Variants in GRIN2D observed in about 807,000 individuals in gnomAD.
GRIN2D encodes the protein glutamate ionotropic receptor NMDA type subunit 2D.
GRIN2D carries 37 observed loss-of-function variants against 103.2 expected under a neutral mutation model. The observed-to-expected ratio is 0.36, with a 90% CI of 0.28 to 0.47. The LOEUF (loss-of-function observed/expected upper bound fraction) is 0.47, where lower values mean the gene tolerates loss of function less well. GRIN2D is among the 20% of genes least tolerant of loss of function. The pLI, the probability that GRIN2D is intolerant of heterozygous loss-of-function variation, is 1.00. For synonymous variants in GRIN2D, 845 were observed against 885.6 expected, an observed-to-expected ratio of 0.95 and a Z score of 0.81; for missense variants, 1,557 against 1,910.6, an observed-to-expected ratio of 0.81 and a Z score of 3.45.
At chr19:48,399,329 GC>G (rs1970682006) in intron 3 of GRIN2D, among the ~76,000 whole-genome samples, 1 of 152,224 alleles carries the variant, frequency 6.6e-6, no homozygotes, top group Non-Finnish European at 1.5e-5. Context: ...GCTTTGGAAA[GC>G]CGAGGCCGGC....
At chr19:48,423,487 A>G (rs1478359575) in intron 11 of GRIN2D, among the ~76,000 whole-genome samples, 2 of 151,866 alleles carry the variant, frequency 1.3e-5, no homozygotes, top group African/African-American at 4.8e-5. Context: ...GGATATTTTC[A>G]CCAGGGTGTT....
In GRIN2D at chr19:48,421,272, T is replaced by G. The variant is rs1971018903; in HGVS notation, c.2092-513T>G. Among the ~76,000 whole-genome samples, 1 of 151,644 alleles carries G rather than the reference T, an allele frequency of 6.6e-6. No individual in the cohort carries two copies. The highest frequency in any genetic ancestry group is 6.6e-5 in the Admixed American group (1 of 15,216). On this transcript the variant is annotated intron_variant, in intron 10 of 13. Transcript: ENST00000263269. This position sits in a 1 kb window ranked among gnomAD's most constrained non-coding sequence, Gnocchi z 4.8. ...GGAGAAACCCCATCTCTACTAAAAA[T>G]ACAAAACTGGCTGGGCATGGTGGTA...
Position 48,416,124 on chromosome 19 carries a change from C to G in GRIN2D, c.1704C>G (p.Ser568Arg). ...GCATCAGCGTCATGGTGGCGCGCAGCAATGGCACGGTGTCCCCCTCGGCCT... is the reference window on the plus strand; with the variant it reads ...GCATCAGCGTCATGGTGGCGCGCAGGAATGGCACGGTGTCCCCCTCGGCCT... ...ETGISVMVARSNGTVSPSAFL... is the reference protein window; with the variant it reads ...ETGISVMVARRNGTVSPSAFL... The change falls in exon 8 of 14, where the codon AGC becomes AGG. Residue 568 changes from serine (S) to arginine (R), a missense_variant. Physicochemically the swap from Ser to Arg is moderately radical, Grantham distance 110 (BLOSUM62 -1). This residue lies in a region of GRIN2D where 197 missense variants were observed against 334.1 expected (regional missense o/e 0.59). Transcript: ENST00000263269. The G allele has an allele frequency of 6.2e-7, 1 of 1,614,010 alleles. No homozygotes were observed. Among genetic ancestry groups the G allele is most frequent in the Non-Finnish European group, 8.5e-7 (1 of 1,179,988 alleles).
At chr19:48,403,906 A>G (rs915080641) in intron 3 of GRIN2D, among the ~76,000 whole-genome samples, 7 of 152,146 alleles carry the variant, frequency 4.6e-5, no homozygotes, top group Admixed American at 3.3e-4. Flanking sequence ...TGAACCCCCA[A>G]ATCTCAGTGG....
intron 4 of GRIN2D, among the ~76,000 whole-genome samples, chr19:48,412,971 A>C (rs1970894284): frequency 7.1e-6 from 1 of 141,760 alleles, no homozygotes; most frequent in Non-Finnish European, 1.5e-5. Context: ...CCCCATCTCT[A>C]CTAAAAATAC....
Position 48,421,675 on chromosome 19 carries a change from A to T in GRIN2D, c.2092-110A>T. 1 of 828,614 alleles carries T rather than the reference A, an allele frequency of 1.2e-6. No homozygotes were observed. Among genetic ancestry groups the T allele is most frequent in the South Asian group, 1.6e-5 (1 of 61,406 alleles). The allele number at this position is 828,614 out of a possible 1,614,324, so 51.3% of individuals were successfully genotyped here. A position where few individuals can be genotyped will look rare whatever the true frequency, so the allele number is the denominator to read the frequency against. On this transcript the variant is annotated intron_variant, in intron 10 of 13. Coordinates refer to ENST00000263269, the MANE Select transcript of GRIN2D (RefSeq NM_000836.4). The surrounding 1 kb of genome is among the most constrained non-coding windows in gnomAD (Gnocchi z 4.8). Reference sequence around the variant, plus strand: ...GAGCGAGTGTTGAGAAATATTGAACACTCCTGGGACTGGGGTGTCTGCCAG... The same window carrying T: ...GAGCGAGTGTTGAGAAATATTGAACTCTCCTGGGACTGGGGTGTCTGCCAG...
Position 48,443,257 on chromosome 19 carries a change from T to G in GRIN2D, c.3331T>G (p.Ser1111Ala). 1.4e-6 allele frequency: 2 copies of G among 1,450,746 alleles called. No individual in the cohort carries two copies. 89.9% of individuals were successfully genotyped at this position (1,450,746 alleles called of 1,614,324 possible). A position where few individuals can be genotyped will look rare whatever the true frequency, so the allele number is the denominator to read the frequency against. Reference sequence around the variant, plus strand: ...GTGCCCTTACCTCGATCTCGAGCCGTCGCCGTCGGACTCGGAGGACTCGGA... The same window carrying G: ...GTGCCCTTACCTCGATCTCGAGCCGGCGCCGTCGGACTCGGAGGACTCGGA... ...PPCPYLDLEP[S>A]PSDSEDSESL... The change falls in exon 14 of 14, where the codon TCG becomes GCG. Residue 1111 changes from serine to alanine, a missense_variant. Around this residue, in one of 7 missense-constraint regions of GRIN2D, gnomAD observed 632 missense variants for 572.8 expected, o/e 1.10. Coordinates refer to ENST00000263269, the MANE Select transcript of GRIN2D (RefSeq NM_000836.4). The surrounding 1 kb of genome is among the most constrained non-coding windows in gnomAD (Gnocchi z 8.9).
At chr19:48,418,809 A>T (rs901187181) in intron 8 of GRIN2D, among the ~76,000 whole-genome samples, 1 of 152,020 alleles carries the variant, frequency 6.6e-6, no homozygotes, top group South Asian at 2.1e-4. Flanking sequence ...GGGTAGGTGG[A>T]GGCTTGGGCC....
intron 11 of GRIN2D, among the ~76,000 whole-genome samples, chr19:48,432,786 T>A (rs1600990980): frequency 6.6e-6 from 1 of 151,244 alleles, no homozygotes; most frequent in South Asian, 2.1e-4. Context: ...TTTTTTTTTT[T>A]TTATTTCATT....
intron 8 of GRIN2D, among the ~76,000 whole-genome samples, chr19:48,416,632 C>T (rs754232546): frequency 6.6e-6 from 1 of 152,140 alleles, no homozygotes; most frequent in Non-Finnish European, 1.5e-5. Context: ...AGGTGGTGGG[C>T]TCCACACTGG....
At chr19:48,432,807 T>A (rs971073066) in intron 11 of GRIN2D, among the ~76,000 whole-genome samples, 24 of 150,828 alleles carry the variant, frequency 1.6e-4, no homozygotes, top group African/African-American at 5.6e-4. Flanking sequence ...TTGCTTTTTT[T>A]TGAGACAGAG....
chr19:48,405,128 C>T lies in GRIN2D; in HGVS notation c.860C>T (p.Ala287Val), dbSNP rs2147441889. 2.5e-6 allele frequency: 4 copies of T among 1,575,720 alleles called. No individual in the cohort carries two copies. The highest frequency in any genetic ancestry group is 3.4e-6 in the Non-Finnish European group (4 of 1,161,844). Residue 287 changes from alanine (A) to valine (V), a missense_variant, in exon 4 of 14, where the codon GCC becomes GTC. Physicochemically the swap from Ala to Val is moderately conservative, Grantham distance 64 (BLOSUM62 0). This residue lies in a region of GRIN2D where 490 missense variants were observed against 601.1 expected (regional missense o/e 0.82). Transcript: ENST00000263269. This position sits in a 1 kb window ranked among gnomAD's most constrained non-coding sequence, Gnocchi z 5.1. ...CTGGCTGGAGGCGGGGGCTCTGGGGCCCCTGGTGAGCCCCCTCTTCTGCCA... is the reference window on the plus strand; with the variant it reads ...CTGGCTGGAGGCGGGGGCTCTGGGGTCCCTGGTGAGCCCCCTCTTCTGCCA... Reference protein sequence around the residue: ...PQLAGGGGSGAPGEPPLLPGG... With the variant: ...PQLAGGGGSGVPGEPPLLPGG...
chr19:48,419,834 T>C lies in GRIN2D; in HGVS notation c.2091+20T>C. On this transcript the variant is annotated intron_variant, in intron 10 of 13. Transcript: ENST00000263269. ...CGCAAGGTGTGTGTGGGCCCAGGGCTGGGCTGGAGCTGGGGCTGGGGCTGG... is the reference window on the plus strand; with the variant it reads ...CGCAAGGTGTGTGTGGGCCCAGGGCCGGGCTGGAGCTGGGGCTGGGGCTGG... 6.9e-7 allele frequency: 1 copy of C among 1,448,782 alleles called. No homozygotes were observed. Among genetic ancestry groups the C allele is most frequent in the African/African-American group, 1.5e-5 (1 of 68,112 alleles). The allele number at this position is 1,448,782 out of a possible 1,614,324, so 89.7% of individuals were successfully genotyped here. A position where few individuals can be genotyped will look rare whatever the true frequency, so the allele number is the denominator to read the frequency against.
At chr19:48,426,665 A>T (rs1971091611) in intron 11 of GRIN2D, among the ~76,000 whole-genome samples, 2 of 151,078 alleles carry the variant, frequency 1.3e-5, no homozygotes, top group Admixed American at 1.3e-4. Flanking sequence ...GCTCACTGCA[A>T]CCTCCACCTC....
chr19:48,409,076 T>C (rs1377002898), intron 4 of GRIN2D, among the ~76,000 whole-genome samples: 1 of 151,910 alleles, frequency 6.6e-6, no homozygotes, highest in Non-Finnish European at 1.5e-5. Flanking sequence ...GGGTCTTCTT[T>C]CAGCATCATT....
intron 3 of GRIN2D, among the ~76,000 whole-genome samples, chr19:48,403,198 CAAAAAAAAAAAAAA>C (rs145115482): frequency 1.4e-4 from 13 of 91,338 alleles, no homozygotes; most frequent in South Asian, 6.4e-4. Context: ...GACTCTGTCT[CAAAAAAAAAAAAAA>C]AAAAAAAAAA....
Position 48,443,065 on chromosome 19 carries a change from C to A in GRIN2D, c.3139C>A (p.Arg1047Ser). ...AATAVGPPLCRLAFEDESPPA... is the reference protein window; with the variant it reads ...AATAVGPPLCSLAFEDESPPA... ...CACCGCCGTCGGGCCGCCACTCTGC[C>A]GCTTGGCCTTCGAGGACGAGAGCCC... Residue 1047 changes from arginine to serine, a missense_variant, in exon 14 of 14, where the codon CGC becomes AGC. Transcript: ENST00000263269. The surrounding 1 kb of genome is among the most constrained non-coding windows in gnomAD (Gnocchi z 8.9). 1 of 1,046,516 alleles carries A rather than the reference C, an allele frequency of 9.6e-7. No individual in the cohort carries two copies. The highest frequency in any genetic ancestry group is 3.7e-5 in the South Asian group (1 of 27,218). The allele number at this position is 1,046,516 out of a possible 1,614,324, so 64.8% of individuals were successfully genotyped here.
chr19:48,414,624 GC>G lies in GRIN2D; in HGVS notation c.1412+42del, dbSNP rs757387645. 6.5e-7 allele frequency: 1 copy of G among 1,527,330 alleles called. No homozygotes were observed. The highest frequency in any genetic ancestry group is 8.9e-7 in the Non-Finnish European group (1 of 1,127,698). The allele number at this position is 1,527,330 out of a possible 1,614,324, so 94.6% of individuals were successfully genotyped here. On this transcript the variant is annotated intron_variant, in intron 6 of 13. Coordinates refer to ENST00000263269, the MANE Select transcript of GRIN2D (RefSeq NM_000836.4). The surrounding 1 kb of genome is among the most constrained non-coding windows in gnomAD (Gnocchi z 4.6). The stretch of plus-strand genomic sequence containing the variant: ...TCCAGGAGTTCCGGCTCCAAAACCC[GC>G]CTCCCGTGAAGCCCAGTAGTCTGGG...
At chr19:48,402,139 AGAAAGAAAG>A (rs1294122872) in intron 3 of GRIN2D, among the ~76,000 whole-genome samples, 1 of 139,146 alleles carries the variant, frequency 7.2e-6, no homozygotes, top group Non-Finnish European at 1.6e-5. Flanking sequence ...AAAGAAAGAA[AGAAAGAAAG>A]AAAGAAAGAA....
Sources: gnomAD v4.1 joint callset for allele counts (sites outside exome capture counted in the v4.1 genomes callset) on GRCh38, gnomAD v4.1.1 for gene constraint, gnomAD v4.1.1 regional missense constraint, Gnocchi (gnomAD v3.1) non-coding constraint, MANE v1.5 for transcripts, NCBI Gene and HGNC (gene_info 2026-07-23, HGNC 2026-07-21) for gene names.